Variants in MTMR3 observed in about 807,000 individuals in gnomAD.
MTMR3 encodes myotubularin related protein 3, also known as phosphatidylinositol-3,5-bisphosphate 3-phosphatase MTMR3.
Under a neutral mutation model 132.4 loss-of-function variants are expected in MTMR3, and 32 were observed. That is an observed-to-expected ratio of 0.24 (90% CI 0.18 to 0.32). The LOEUF is 0.32. Among genes scored for constraint, MTMR3 ranks in the 10% least tolerant of loss-of-function variants. The pLI is 1.00. For missense variants in MTMR3, 1,216 were observed against 1,489.6 expected (o/e 0.82, Z 3.02); for synonymous variants, 556 against 550.3 (o/e 1.01, Z -0.14).
chr22:29,920,786 TACTG>T (rs1358069541), intron 1 of MTMR3, among the ~76,000 whole-genome samples: 4 of 152,272 alleles, frequency 2.6e-5, no homozygotes, highest in East Asian at 3.9e-4. Context: ...AAAAGATTGA[TACTG>T]ACCAAATATA....
At chr22:29,965,227 A>G (rs1408446040) in intron 2 of MTMR3, among the ~76,000 whole-genome samples, 1 of 151,952 alleles carries the variant, frequency 6.6e-6, no homozygotes, top group African/African-American at 2.4e-5. Context: ...CATACTGTCT[A>G]ACACATACTA....
chr22:29,992,921 A>G (rs1402395323), intron 7 of MTMR3: 2 of 152,262 alleles, frequency 1.3e-5, no homozygotes, highest in African/African-American at 2.4e-5. Context: ...CAAACAGGCA[A>G]GATAGGTTGG....
intron 1 of MTMR3, among the ~76,000 whole-genome samples, chr22:29,884,822 C>T (rs192136924): frequency 6.6e-6 from 1 of 152,214 alleles, no homozygotes; most frequent in East Asian, 1.9e-4. Flanking sequence ...CGTTGGCCTT[C>T]GAAAGTGTTG....
chr22:29,942,280 T>G (rs532741060), intron 1 of MTMR3, among the ~76,000 whole-genome samples: 4 of 152,132 alleles, frequency 2.6e-5, no homozygotes, highest in Non-Finnish European at 4.4e-5. Context: ...ATTAGCGATT[T>G]TCAAAAGGAG....
intron 12 of MTMR3, chr22:30,012,106 G>T: frequency 3.0e-6 from 1 of 335,092 alleles, no homozygotes; most frequent in Non-Finnish European, 5.4e-6. Flanking sequence ...TATTTTGCCC[G>T]GGGAATCATC....
At chr22:30,001,456 A>C (rs2067173059) in intron 8 of MTMR3, 1 of 152,220 alleles carries the variant, frequency 6.6e-6, no homozygotes. Context: ...GGGAGGCTGA[A>C]GTAGAAGAGT....
At chr22:29,884,033 G>A (rs1472596796) in intron 1 of MTMR3, among the ~76,000 whole-genome samples, 2 of 152,216 alleles carry the variant, frequency 1.3e-5, no homozygotes, top group Non-Finnish European at 2.9e-5. Context: ...GGACCCATAA[G>A]ATGATACTGT....
chr22:29,898,886 A>G (rs1159829347), intron 1 of MTMR3, among the ~76,000 whole-genome samples: 1 of 149,578 alleles, frequency 6.7e-6, no homozygotes, highest in Non-Finnish European at 1.5e-5. Flanking sequence ...CTTTGGGTAA[A>G]GAAAATTTAC....
At chr22:29,943,005 T>C (rs2065886953) in intron 1 of MTMR3, among the ~76,000 whole-genome samples, 1 of 152,162 alleles carries the variant, frequency 6.6e-6, no homozygotes, top group East Asian at 1.9e-4. Flanking sequence ...GTAATAAGTG[T>C]CTGTGAAATC....
At chr22:29,920,981 T>TG (rs150260217) in intron 1 of MTMR3, among the ~76,000 whole-genome samples, 11 of 81,094 alleles carry the variant, frequency 1.4e-4, no homozygotes, top group Non-Finnish European at 1.9e-4. Context: ...TAGGGGGTGG[T>TG]GGGGGTGGCG....
intron 1 of MTMR3, among the ~76,000 whole-genome samples, chr22:29,899,903 A>G (rs1480451823): frequency 1.3e-5 from 2 of 152,304 alleles, no homozygotes; most frequent in Admixed American, 1.3e-4. Context: ...CTTTGTATGT[A>G]TATTATACCT....
intron 2 of MTMR3, among the ~76,000 whole-genome samples, chr22:29,965,025 G>A (rs139520404): frequency 4.4e-4 from 67 of 152,078 alleles, no homozygotes; most frequent in African/African-American, 1.5e-3. Context: ...ATTAGAAACT[G>A]GCCTTGCCCC....
At chr22:29,994,836 A>G (rs1228700213) in intron 7 of MTMR3, 1 of 152,260 alleles carries the variant, frequency 6.6e-6, no homozygotes, top group East Asian at 1.9e-4. Flanking sequence ...AGGCTTAATC[A>G]GCTTTGGAAG....
chr22:29,906,705 A>G (rs926220471), intron 1 of MTMR3, among the ~76,000 whole-genome samples: 1 of 152,080 alleles, frequency 6.6e-6, no homozygotes, highest in Non-Finnish European at 1.5e-5. Context: ...GAGCTTTTTC[A>G]TTCCTGTACT....
chr22:29,939,667 G>A (rs2065817642), intron 1 of MTMR3, among the ~76,000 whole-genome samples: 1 of 151,756 alleles, frequency 6.6e-6, no homozygotes, highest in East Asian at 2.0e-4. Context: ...TATAAAATAA[G>A]AACCGTAATT....
At chr22:29,896,822 AT>A (rs140357883) in intron 1 of MTMR3, among the ~76,000 whole-genome samples, 87 of 148,364 alleles carry the variant, frequency 5.9e-4, no homozygotes, top group African/African-American at 1.7e-3. Flanking sequence ...TAATAATATA[AT>A]TTTTTTTTAG....
chr22:29,936,537 G>A (rs755865604), intron 1 of MTMR3, among the ~76,000 whole-genome samples: 1 of 152,142 alleles, frequency 6.6e-6, no homozygotes, highest in Admixed American at 6.5e-5. Context: ...TTGATTCTCT[G>A]TGGTTAGATT....
Position 29,913,061 on chromosome 22 carries a change from A to G in MTMR3, c.-138+29702A>G, listed in dbSNP as rs201489920. On this transcript the variant is annotated intron_variant, in intron 1 of 19. Coordinates refer to ENST00000401950, the MANE Select transcript of MTMR3 (RefSeq NM_021090.4). ...GGAGTTTGAGACCAGCCTGGGCAAC[A>G]TTGCAAGACCCCCTCTACAAAATAA... is the stretch of plus-strand genomic sequence containing the variant. Among the ~76,000 whole-genome samples, 26 of 152,234 alleles carry G rather than the reference A, an allele frequency of 1.7e-4. No homozygotes were observed. The East Asian group carries it at 4.4e-3, about 26-fold the overall frequency.
At chr22:29,899,363 T>C (rs2064962426) in intron 1 of MTMR3, among the ~76,000 whole-genome samples, 1 of 152,196 alleles carries the variant, frequency 6.6e-6, no homozygotes, top group South Asian at 2.1e-4. Flanking sequence ...AGAAATATGA[T>C]TTTAATTCCA....
Sources: allele counts gnomAD v4.1 joint callset (sites outside exome capture counted in the v4.1 genomes callset), GRCh38; gene constraint gnomAD v4.1.1; transcripts MANE v1.5; gene names NCBI Gene and HGNC (gene_info 2026-07-23, HGNC 2026-07-21).